Variants in ELMO2 observed in about 807,000 individuals in gnomAD.
ELMO2 encodes the protein engulfment and cell motility protein 2.
ELMO2 carries 37 observed loss-of-function variants against 96.2 expected under a neutral mutation model. The ratio of observed to expected loss-of-function variants is 0.38; its 90% confidence interval spans 0.30 to 0.51. The LOEUF is 0.51. Ranked by LOEUF, ELMO2 falls within the 20% of genes least tolerant of loss-of-function variation. The pLI is 0.88. For missense variants in ELMO2, 561 were observed against 912.6 expected (o/e 0.61, Z 4.96); for synonymous variants, 315 against 329.4 (o/e 0.96, Z 0.47).
At chr20:46,395,874 A>G (rs1397910490) in intron 2 of ELMO2, among the ~76,000 whole-genome samples, 2 of 152,268 alleles carry the variant, frequency 1.3e-5, no homozygotes, top group African/African-American at 4.8e-5. Context: ...TAGGCAGAAC[A>G]GGATTATCAC....
intron 6 of ELMO2, among the ~76,000 whole-genome samples, chr20:46,389,838 G>T (rs1231291166): frequency 6.6e-6 from 1 of 152,032 alleles, no homozygotes; most frequent in Non-Finnish European, 1.5e-5. Flanking sequence ...AACAGAGCAA[G>T]ACTCTCTCTC....
Position 46,368,634 on chromosome 20 carries a change from A to G in ELMO2, c.1962+257T>C, listed in dbSNP as rs370861893. ...GTGACAGATCCTTGGCAGCCACCCA[A>G]TGCGCCTGGAGGAACCTCAGGTCCA... On this transcript the variant is annotated intron_variant, in intron 21 of 21. Coordinates refer to ENST00000290246, the MANE Select transcript of ELMO2 (RefSeq NM_133171.5). Among the ~76,000 whole-genome samples the G allele has an allele frequency of 7.2e-5, 11 of 152,306 alleles. No individual in the cohort carries two copies. In the South Asian group the frequency reaches 1.0e-3, roughly 14 times the overall value.
chr20:46,385,205 G>A (rs2060020284), intron 9 of ELMO2, among the ~76,000 whole-genome samples: 1 of 152,214 alleles, frequency 6.6e-6, no homozygotes, highest in African/African-American at 2.4e-5. Context: ...ACAACAGTCA[G>A]AAGAGAATCA....
rs2274677 is a variant in ELMO2 at position 46,366,057 on chromosome 20, A to G, written c.*1303T>C. On this transcript the variant is annotated 3_prime_UTR_variant, in exon 22 of 22. Coordinates refer to ENST00000290246, the MANE Select transcript of ELMO2 (RefSeq NM_133171.5). ...TGTTAACAGGAACCACAGTTTGTAC[A>G]TGAAAGAGTATTTATTGAAAACATG... is the stretch of plus-strand genomic sequence containing the variant. The G allele has an allele frequency of 0.13, 20,486 of 152,598 alleles. 2,123 individuals carry two copies. Among genetic ancestry groups the G allele is most frequent in the African/African-American group, 0.29 (12,094 of 41,484 alleles). 9.5% of individuals were successfully genotyped at this position (152,598 alleles called of 1,614,324 possible). A position where few individuals can be genotyped will look rare whatever the true frequency, so the allele number is the denominator to read the frequency against.
At chr20:46,405,685 C>T (rs1320785437) in intron 1 of ELMO2, among the ~76,000 whole-genome samples, 2 of 152,010 alleles carry the variant, frequency 1.3e-5, no homozygotes, top group Non-Finnish European at 2.9e-5. Flanking sequence ...GTCAGGAGTT[C>T]GAGACCAGCC....
In ELMO2 at chr20:46,371,680, T is replaced by C. The variant is rs778618407; in HGVS notation, c.1592A>G (p.Glu531Gly). Residue 531 changes from glutamate (E) to glycine (G), a missense_variant, in exon 18 of 22, where the codon GAG becomes GGG. Glu to Gly is a moderately conservative substitution (Grantham distance 98, BLOSUM62 -2). Transcript: ENST00000290246. This position sits in a 1 kb window ranked among gnomAD's most constrained non-coding sequence, Gnocchi z 5.9. The stretch of plus-strand genomic sequence containing the variant: ...CTCAAGGATCTCGGGCTGGATCTTC[T>C]CCCTCAGCTCCCTGGGGTGGACACA... The part of the protein sequence containing the change: ...FQSPPIVELR[E>G]KIQPEILELI... The C allele has an allele frequency of 1.2e-6, 2 of 1,613,732 alleles. No homozygotes were observed. The highest frequency in any genetic ancestry group is 2.7e-5 in the African/African-American group (2 of 74,904).
chr20:46,400,111 C>G (rs951569693), intron 1 of ELMO2, among the ~76,000 whole-genome samples: 3 of 152,078 alleles, frequency 2.0e-5, no homozygotes, highest in Non-Finnish European at 4.4e-5. Context: ...GAACTCTAGC[C>G]TGGGTGACAA....
intron 15 of ELMO2, 99 bp downstream of exon 15, chr20:46,374,233 C>T (rs748596617): frequency 5.3e-5 from 50 of 951,796 alleles, no homozygotes; most frequent in African/African-American, 2.4e-4. Flanking sequence ...TGAACCACCA[C>T]GCCCGACCCC....
Position 46,371,099 on chromosome 20 carries a change from A to C in ELMO2, c.1801+253T>G, listed in dbSNP as rs145258085. Among the ~76,000 whole-genome samples, 94 of 152,306 alleles carry C rather than the reference A, an allele frequency of 6.2e-4. No individual in the cohort carries two copies. The highest frequency in any genetic ancestry group is 2.1e-3 in the African/African-American group (89 of 41,562). On this transcript the variant is annotated intron_variant, in intron 19 of 21. Transcript: ENST00000290246. This position sits in a 1 kb window ranked among gnomAD's most constrained non-coding sequence, Gnocchi z 5.9. ...GTCTGGCTTCACAGCTTCTCCTCTT[A>C]ACTACTGCCTTTCGACTTAGTCATG...
chr20:46,374,124 T>TA (rs2059799217), intron 15 of ELMO2, among the ~76,000 whole-genome samples: 1 of 103,080 alleles, frequency 9.7e-6, no homozygotes, highest in Non-Finnish European at 2.1e-5. Context: ...TTTTTTTTTT[T>TA]AGAGATGGGG....
chr20:46,398,334 T>C (rs987611518), intron 2 of ELMO2, among the ~76,000 whole-genome samples: 7 of 152,090 alleles, frequency 4.6e-5, no homozygotes, highest in Non-Finnish European at 8.8e-5. Context: ...TTTTAAAAGA[T>C]GGAGTCTTGC....
rs2060179973 is a variant in ELMO2 at position 46,393,082 on chromosome 20, A to G, written c.243+11T>C. The stretch of plus-strand genomic sequence containing the variant: ...ACATGAATAAACTCCTAAGGAAGAA[A>G]GAATACCTACCGGGGAGATAGCCAG... On this transcript the variant is annotated intron_variant, in intron 6 of 21. Coordinates refer to ENST00000290246, the MANE Select transcript of ELMO2 (RefSeq NM_133171.5). The G allele has an allele frequency of 2.5e-6, 4 of 1,613,070 alleles. No homozygotes were observed. Among genetic ancestry groups the G allele is most frequent in the Admixed American group, 3.3e-5 (2 of 60,002 alleles).
rs1600833150 is a variant in ELMO2, at chr20:46,375,439, G to T, written c.931-69C>A. 6.3e-7 allele frequency: 1 copy of T among 1,583,948 alleles called. No individual in the cohort carries two copies. The highest frequency in any genetic ancestry group is 2.3e-5 in the East Asian group (1 of 44,412). ...AGGGAGCAAGGAAAAGAAACAGTGG[G>T]TCAGGCTTTTCTGGGCCAAACTTTG... On this transcript the variant is annotated intron_variant, in intron 12 of 21. Transcript: ENST00000290246. This position sits in a 1 kb window ranked among gnomAD's most constrained non-coding sequence, Gnocchi z 4.6.
At chr20:46,404,920 T>G (rs2060400960) in intron 1 of ELMO2, among the ~76,000 whole-genome samples, 2 of 152,214 alleles carry the variant, frequency 1.3e-5, no homozygotes, top group South Asian at 4.1e-4. Flanking sequence ...GACAGCAGCA[T>G]CACTCTAGCA....
intron 1 of ELMO2, among the ~76,000 whole-genome samples, chr20:46,401,991 G>C (rs1295986920): frequency 6.6e-6 from 1 of 152,150 alleles, no homozygotes; most frequent in South Asian, 2.1e-4. Context: ...GTATCCCTGG[G>C]AGCCCAGACC....
intron 7 of ELMO2, chr20:46,387,653 A>AAAAC (rs55680714): frequency 4.7e-6 from 1 of 211,502 alleles, no homozygotes; most frequent in Non-Finnish European, 9.7e-6. Context: ...AAAAAAAAAA[A>AAAAC]TGTTGCTGGG....
chr20:46,371,492 A>G lies in ELMO2; in HGVS notation c.1694-33T>C. On this transcript the variant is annotated intron_variant, in intron 18 of 21. Coordinates refer to ENST00000290246, the MANE Select transcript of ELMO2 (RefSeq NM_133171.5). This position sits in a 1 kb window ranked among gnomAD's most constrained non-coding sequence, Gnocchi z 5.9. ...ACAAGGGAAGCCAAACAGGTGAGCA[A>G]CGACAGTACTGGGAAAGGCCTGGGC... is the stretch of plus-strand genomic sequence containing the variant. 1 of 1,613,636 alleles carries G rather than the reference A, an allele frequency of 6.2e-7. No individual in the cohort carries two copies.
At chr20:46,393,692 T>C in intron 4 of ELMO2, 91 bp from the exon 5 acceptor site, 1 of 1,377,202 alleles carries the variant, frequency 7.3e-7, no homozygotes, top group Non-Finnish European at 1.0e-6. Context: ...GCTCAAGGGA[T>C]TGGGTGGCCT....
chr20:46,393,251 T>A, intron 5 of ELMO2, 108 bp from the exon 6 acceptor site: 1 of 1,153,658 alleles, frequency 8.7e-7, no homozygotes, highest in Non-Finnish European at 1.3e-6. Flanking sequence ...TAGATGTAAC[T>A]GAGGATCTTC....
Sources: gnomAD v4.1 joint callset for allele counts (sites outside exome capture counted in the v4.1 genomes callset) on GRCh38, gnomAD v4.1.1 for gene constraint, Gnocchi (gnomAD v3.1) non-coding constraint, MANE v1.5 for transcripts, NCBI Gene and HGNC (gene_info 2026-07-23, HGNC 2026-07-21) for gene names.